The following CCDC191 variants were observed in gnomAD, a reference collection of about 807,000 sequenced individuals.
CCDC191 encodes coiled-coil domain containing 191.
Under a neutral mutation model 114.0 loss-of-function variants are expected in CCDC191, and 99 were observed. The ratio of observed to expected loss-of-function variants is 0.87; its 90% CI spans 0.74 to 1.03. The LOEUF (loss-of-function observed/expected upper bound fraction) is 1.03. CCDC191 is among the 50% of genes least tolerant of loss of function. CCDC191 has a pLI of 0.00. For synonymous variants in CCDC191, 351 were observed against 376.0 expected, an observed-to-expected ratio of 0.93 and a Z score of 0.77; for missense variants, 973 against 1,087.0, an observed-to-expected ratio of 0.90 and a Z score of 1.47.
intron 2 of CCDC191, among the ~76,000 whole-genome samples, chr3:114,048,219 T>C (rs539645392): frequency 6.6e-6 from 1 of 152,256 alleles, no homozygotes; most frequent in Admixed American, 6.5e-5. Flanking sequence ...CCCCTTTCCA[T>C]CACCTCCATT....
At chr3:113,970,763 T>C (rs991845003) in intron 16 of CCDC191, among the ~76,000 whole-genome samples, 3 of 150,104 alleles carry the variant, frequency 2.0e-5, no homozygotes, top group African/African-American at 7.3e-5. Context: ...TTCCCCTTCC[T>C]GTGTCCATGT....
Position 114,018,682 on chromosome 3 carries a change from T to C in CCDC191, c.1159A>G (p.Asn387Asp), listed in dbSNP as rs2076200069. The part of the protein sequence containing the change: ...QALENDLREE[N>D]RKQQLATEYN... ...TCACAATACAAATAATGATACCTGT[T>C]TTCTTCCCTAAGATCATTTTCCAAG... Residue 387 changes from asparagine to aspartate, a missense_variant, in exon 8 of 17, where the codon AAC becomes GAC. Transcript: ENST00000295878. The C allele has an allele frequency of 1.9e-6, 3 of 1,609,140 alleles. No homozygotes were observed. In the African/African-American group the frequency reaches 4.0e-5, roughly 22 times the overall value.
intron 13 of CCDC191, among the ~76,000 whole-genome samples, chr3:113,991,268 C>CT (rs1369411296): frequency 1.4e-5 from 2 of 141,482 alleles, no homozygotes; most frequent in African/African-American, 2.6e-5. Context: ...ACCCCCCCCC[C>CT]CAAAAACCAA....
intron 2 of CCDC191, chr3:114,047,220 C>CA: frequency 1.7e-6 from 1 of 587,518 alleles, no homozygotes; most frequent in Non-Finnish European, 2.1e-6. Flanking sequence ...TTGGAATAAA[C>CA]AGAATCACTG....
At chr3:113,994,932 T>G (rs2075679239) in intron 13 of CCDC191, among the ~76,000 whole-genome samples, 1 of 152,120 alleles carries the variant, frequency 6.6e-6, no homozygotes, top group Admixed American at 6.6e-5. Flanking sequence ...TCTAGCAACT[T>G]TACTAATAAT....
At chr3:113,972,445 T>C (rs1463804400) in intron 16 of CCDC191, among the ~76,000 whole-genome samples, 2 of 152,226 alleles carry the variant, frequency 1.3e-5, no homozygotes, top group Non-Finnish European at 2.9e-5. Flanking sequence ...AGATACTTGA[T>C]ACAATTTCTG....
intron 13 of CCDC191, among the ~76,000 whole-genome samples, chr3:113,995,742 C>G (rs1023262936): frequency 2.6e-5 from 4 of 152,210 alleles, no homozygotes; most frequent in African/African-American, 9.6e-5. Flanking sequence ...GTCCCACCAT[C>G]AGTGTAAAAG....
chr3:114,031,643 A>C lies in CCDC191; in HGVS notation c.955T>G (p.Phe319Val), dbSNP rs2076405733. 1 of 1,610,978 alleles carries C rather than the reference A, an allele frequency of 6.2e-7. No homozygotes were observed. Among genetic ancestry groups the C allele is most frequent in the Non-Finnish European group, 8.5e-7 (1 of 1,177,450 alleles). The change falls in exon 7 of 17, where the codon TTC (phenylalanine) becomes GTC (valine). Residue 319 changes from phenylalanine (F) to valine (V), a missense_variant. Transcript: ENST00000295878. ...ATTCCCACCTGTTGATTTTCTTTGA[A>C]AGTTTGGATTAATACTTCTTTCAAT... ...RKLKEVLIQT[F>V]KENQQCQKRY...
chr3:114,051,490 G>A (rs1008279688), intron 2 of CCDC191, among the ~76,000 whole-genome samples: 1 of 152,200 alleles, frequency 6.6e-6, no homozygotes, highest in South Asian at 2.1e-4. Flanking sequence ...CACTTTGGGA[G>A]GCTGAGCCCA....
chr3:113,996,876 TG>T (rs2107647644), intron 13 of CCDC191, among the ~76,000 whole-genome samples: 1 of 51,194 alleles, frequency 2.0e-5, no homozygotes, highest in African/African-American at 7.4e-5. Flanking sequence ...TGCTGGGGGG[TG>T]GGGGGCAAGG....
chr3:114,005,398 C>G, intron 10 of CCDC191, 110 bp downstream of exon 10: 1 of 1,110,286 alleles, frequency 9.0e-7, no homozygotes, highest in African/African-American at 1.6e-5. Context: ...AGTGCAAAAT[C>G]AAGGAAAAGG....
intron 16 of CCDC191, among the ~76,000 whole-genome samples, chr3:113,974,514 T>A (rs1941133618): frequency 6.6e-6 from 1 of 151,766 alleles, no homozygotes; most frequent in Non-Finnish European, 1.5e-5. Context: ...GAGAGGGGGT[T>A]TCACCATGTT....
At chr3:113,981,307 A>T (rs756982786) in intron 13 of CCDC191, among the ~76,000 whole-genome samples, 33 of 152,234 alleles carry the variant, frequency 2.2e-4, no homozygotes, top group Non-Finnish European at 4.1e-4. Context: ...TCTTCTAAGA[A>T]GGAAAAAGAT....
chr3:113,997,684 A>G (rs1009129690), intron 13 of CCDC191, among the ~76,000 whole-genome samples: 5 of 152,190 alleles, frequency 3.3e-5, no homozygotes, highest in Non-Finnish European at 7.3e-5. Context: ...AATAAATAAC[A>G]CAGTATTTTT....
chr3:114,003,629 A>T (rs1010392390), intron 11 of CCDC191: 16 of 985,076 alleles, frequency 1.6e-5, no homozygotes, highest in Non-Finnish European at 1.9e-5. Flanking sequence ...CAATAATTTT[A>T]AAAAAATAAT....
chr3:113,977,919 A>C (rs1041802564), intron 16 of CCDC191, among the ~76,000 whole-genome samples: 3 of 152,240 alleles, frequency 2.0e-5, no homozygotes, highest in Admixed American at 6.5e-5. Flanking sequence ...TGTTTCATAT[A>C]GGTCACATCA....
intron 3 of CCDC191, among the ~76,000 whole-genome samples, chr3:114,045,064 A>G (rs956789353): frequency 1.3e-5 from 2 of 152,216 alleles, no homozygotes; most frequent in African/African-American, 4.8e-5. Context: ...TTCAGGATAA[A>G]AAGAGGTTCA....
rs755373592 is a variant in CCDC191, at chr3:113,978,334, G to A, written c.2461-3C>T. 1.2e-6 allele frequency: 2 copies of A among 1,613,342 alleles called. No individual in the cohort carries two copies. Among genetic ancestry groups the A allele is most frequent in the East Asian group, 4.5e-5 (2 of 44,862 alleles). On this transcript the variant is annotated splice_polypyrimidine_tract_variant and splice_region_variant and intron_variant, in intron 15 of 16. Coordinates refer to ENST00000295878, the MANE Select transcript of CCDC191 (RefSeq NM_020817.2). Reference sequence around the variant, plus strand: ...TCTTCCTGCAGATCAATCACGTACTGGGGATGAAGACAGAAATAAAAGTGA... The same window carrying A: ...TCTTCCTGCAGATCAATCACGTACTAGGGATGAAGACAGAAATAAAAGTGA...
chr3:113,973,545 C>T (rs1003602949), intron 16 of CCDC191, among the ~76,000 whole-genome samples: 1 of 150,610 alleles, frequency 6.6e-6, no homozygotes, highest in Admixed American at 6.6e-5. Context: ...CTTTCTCTAT[C>T]CTTCATATTT....
Sources: gnomAD v4.1 joint callset for allele counts (sites outside exome capture counted in the v4.1 genomes callset) on GRCh38, gnomAD v4.1.1 for gene constraint, MANE v1.5 for transcripts, NCBI Gene and HGNC (gene_info 2026-07-23, HGNC 2026-07-21) for gene names.